SNX9: variants seen among roughly 807,000 people sequenced by gnomAD.
The protein encoded by SNX9 is sorting nexin 9, also known as sorting nexin-9.
Under a neutral mutation model 89.4 loss-of-function variants are expected in SNX9, and 44 were observed. The ratio of observed to expected loss-of-function variants is 0.49; its 90% CI spans 0.39 to 0.63. The LOEUF (loss-of-function observed/expected upper bound fraction) is 0.63, where lower values mean the gene tolerates loss of function less well. SNX9 is among the 30% of genes least tolerant of loss of function. The pLI, the probability that SNX9 is intolerant of heterozygous loss-of-function variation, is 0.00. For missense variants in SNX9, 578 were observed against 736.1 expected, an observed-to-expected ratio of 0.79 and a Z score of 2.49; for synonymous variants, 236 against 247.8, an observed-to-expected ratio of 0.95 and a Z score of 0.45.
intron 9 of SNX9, among the ~76,000 whole-genome samples, chr6:157,916,227 G>C (rs1035142625): frequency 7.2e-5 from 11 of 151,956 alleles, no homozygotes; most frequent in African/African-American, 2.7e-4. Context: ...GTAGAGATGG[G>C]GTTTCACTGT....
At chr6:157,907,316 C>T (rs1783237101) in intron 7 of SNX9, among the ~76,000 whole-genome samples, 1 of 152,162 alleles carries the variant, frequency 6.6e-6, no homozygotes, top group Non-Finnish European at 1.5e-5. Flanking sequence ...GAGTCTCACT[C>T]TGTCACCCAG....
intron 5 of SNX9, among the ~76,000 whole-genome samples, chr6:157,898,884 G>A (rs972535623): frequency 2.0e-5 from 3 of 152,236 alleles, no homozygotes; most frequent in Non-Finnish European, 4.4e-5. Flanking sequence ...GACCAGGGGT[G>A]TGGGCTGGGT....
In SNX9 at chr6:157,915,646, T is replaced by A. The variant is rs1413291460; in HGVS notation, c.949+5621T>A. On this transcript the variant is annotated intron_variant, in intron 9 of 17. Coordinates refer to ENST00000392185, the MANE Select transcript of SNX9 (RefSeq NM_016224.5). Reference sequence around the variant, plus strand: ...ACTAAAAAAAAAAAAAAAAAATATATATATATATATACACACACACACACA... The same window carrying A: ...ACTAAAAAAAAAAAAAAAAAATATAAATATATATATACACACACACACACA... Among the ~76,000 whole-genome samples, 775 of 88,764 alleles carry A rather than the reference T, an allele frequency of 8.7e-3. 6 individuals carry two copies. The highest frequency in any genetic ancestry group is 0.013 in the Non-Finnish European group (568 of 43,144). The allele number at this position is 88,764 out of a possible 152,430, so 58.2% of individuals were successfully genotyped here.
At chr6:157,915,640 A>AAAAAAAAAAAAT (rs1472422303) in intron 9 of SNX9, among the ~76,000 whole-genome samples, 2 of 95,172 alleles carry the variant, frequency 2.1e-5, no homozygotes, top group African/African-American at 4.7e-5. Flanking sequence ...AAAAAAAAAA[A>AAAAAAAAAAAAT]ATATATATAT....
At position 157,896,207 on chromosome 6, in the gene SNX9, A is replaced by T. The variant is rs1014191679; in HGVS notation, c.301-620A>T. On this transcript the variant is annotated intron_variant, in intron 4 of 17. Transcript: ENST00000392185. ...CTTTTGACAGTAGTAGTTCCTTAGA[A>T]TGACTAGCATCTCAGGATGTTAGGC... 5.9e-5 allele frequency among the ~76,000 whole-genome samples: 9 copies of T among 152,348 alleles called. No homozygotes were observed. In the South Asian group the frequency reaches 1.9e-3, roughly 32 times the overall value.
intron 9 of SNX9, among the ~76,000 whole-genome samples, chr6:157,919,919 T>G (rs1783549748): frequency 1.3e-5 from 2 of 152,202 alleles, no homozygotes; most frequent in South Asian, 4.1e-4. Context: ...AGATTAAATC[T>G]CTGAAGTCTG....
intron 11 of SNX9, 43 bp downstream of exon 11, chr6:157,927,257 C>G (rs999726462): frequency 1.3e-5 from 18 of 1,409,786 alleles, no homozygotes; most frequent in Non-Finnish European, 6.0e-6. Flanking sequence ...AATCCGCACC[C>G]TCCTCCTTTG....
At chr6:157,867,391 A>G (rs1329530232) in intron 1 of SNX9, among the ~76,000 whole-genome samples, 156 bp from the exon 2 acceptor site, 1 of 152,250 alleles carries the variant, frequency 6.6e-6, no homozygotes, top group Non-Finnish European at 1.5e-5. Flanking sequence ...AGTAGAGCAG[A>G]TGAGTCATTT....
intron 7 of SNX9, 78 bp downstream of exon 7, chr6:157,906,290 T>A: frequency 8.7e-7 from 1 of 1,155,930 alleles, no homozygotes; most frequent in South Asian, 1.4e-5. Flanking sequence ...AAGCGAGTTA[T>A]TCATCTTTTG....
At position 157,909,776 on chromosome 6, in the gene SNX9, C is replaced by T. The variant is rs1783298775; in HGVS notation, c.817C>T (p.Gln273Ter). The change falls in exon 8 of 18, where the codon CAG (glutamine) becomes TAG (stop). Residue 273 changes from glutamine to a stop codon, truncating the protein, a stop_gained. Coordinates refer to ENST00000392185, the MANE Select transcript of SNX9 (RefSeq NM_016224.5). LOFTEE classifies it high-confidence loss of function. The stretch of plus-strand genomic sequence containing the variant: ...TGGTCTAAAGAGCTACATCGAATAT[C>T]AGCTAACACCTACTGTAAGTATCCA... ...MYGLKSYIEYQLTPTNTNRSV... is the reference protein window; with the variant it reads ...MYGLKSYIEY 6.2e-7 allele frequency: 1 copy of T among 1,614,126 alleles called. No individual in the cohort carries two copies. The highest frequency in any genetic ancestry group is 8.5e-7 in the Non-Finnish European group (1 of 1,180,030).
intron 17 of SNX9, 106 bp downstream of exon 17, chr6:157,941,080 A>G: frequency 1.0e-6 from 1 of 998,264 alleles, no homozygotes; most frequent in Non-Finnish European, 1.5e-6. Context: ...AATCCTAAGT[A>G]ATAAACCAAA....
chr6:157,853,032 AT>A (rs1781944239), intron 1 of SNX9, among the ~76,000 whole-genome samples: 1 of 147,270 alleles, frequency 6.8e-6, no homozygotes. Flanking sequence ...TGGCCCATGT[AT>A]TTACCATTCC....
intron 1 of SNX9, among the ~76,000 whole-genome samples, chr6:157,840,191 AGGCTGGTGCTTGGGGTGTCTTTG>A (rs1458458277): frequency 8.3e-5 from 10 of 120,394 alleles, no homozygotes; most frequent in African/African-American, 2.9e-4. Context: ...GCAGACCCTC[AGGCTGGTGCTTGGGGTGTCTTTG>A]GATCTCGGGA....
chr6:157,878,925 G>T (rs962391750), intron 4 of SNX9, among the ~76,000 whole-genome samples: 1 of 139,288 alleles, frequency 7.2e-6, no homozygotes, highest in Non-Finnish European at 1.6e-5. Flanking sequence ...GCTGTCCTTT[G>T]GTGGGGGAAG....
chr6:157,867,439 A>G, intron 1 of SNX9, 108 bp from the exon 2 acceptor site: 1 of 791,108 alleles, frequency 1.3e-6, no homozygotes. Flanking sequence ...AGCCACAGCC[A>G]CTATCATGTT....
At position 157,942,821 on chromosome 6, in the gene SNX9, C is replaced by A; in HGVS notation, c.1771C>A (p.Arg591Ser). Residue 591 changes from arginine to serine, a missense_variant, in exon 18 of 18, where the codon CGC becomes AGC. By Grantham distance (110) the Arg-to-Ser change is moderately radical (BLOSUM62 -1). This residue lies in a region of SNX9 where 348 missense variants were observed against 491.4 expected (regional missense o/e 0.71). Transcript: ENST00000392185. ...AGAAAAGCTGAGGCAGGCCCTCAGC[C>A]GCTTTCCAGTGATGTAGGACAGAAC... is the stretch of plus-strand genomic sequence containing the variant. ...IAEKLRQALSRFPVM is the reference protein window; with the variant it reads ...IAEKLRQALSSFPVM The A allele has an allele frequency of 6.2e-7, 1 of 1,613,852 alleles. No individual in the cohort carries two copies. The highest frequency in any genetic ancestry group is 1.1e-5 in the South Asian group (1 of 90,994).
chr6:157,919,712 G>A (rs936590184), intron 9 of SNX9, among the ~76,000 whole-genome samples: 6 of 151,736 alleles, frequency 4.0e-5, no homozygotes, highest in Admixed American at 2.6e-4. Context: ...CAACATCTGC[G>A]GACACTCAGA....
At chr6:157,879,064 G>A (rs776493953) in intron 4 of SNX9, among the ~76,000 whole-genome samples, 3 of 152,206 alleles carry the variant, frequency 2.0e-5, no homozygotes, top group Non-Finnish European at 4.4e-5. Flanking sequence ...CATACAAAGC[G>A]AGGGAAAGGA....
chr6:157,895,955 C>A (rs1225876234), intron 4 of SNX9, among the ~76,000 whole-genome samples: 1 of 152,200 alleles, frequency 6.6e-6, no homozygotes, highest in African/African-American at 2.4e-5. Context: ...TAAGGAGTCC[C>A]CTCTGCTTTA....
Sources: allele counts gnomAD v4.1 joint callset (sites outside exome capture counted in the v4.1 genomes callset), GRCh38; gene constraint gnomAD v4.1.1; regional missense constraint gnomAD v4.1.1; transcripts MANE v1.5; gene names NCBI Gene and HGNC (gene_info 2026-07-23, HGNC 2026-07-21).